Variants in ZNF644 observed in about 807,000 individuals in gnomAD.
ZNF644 encodes the protein zinc finger motif enhancer binding protein 2.
Under a neutral mutation model 108.0 loss-of-function variants are expected in ZNF644, and 20 were observed. That is an observed-to-expected ratio of 0.19 (90% CI 0.13 to 0.27). The LOEUF (loss-of-function observed/expected upper bound fraction) is 0.27, where lower values mean the gene tolerates loss of function less well. Among genes scored for constraint, ZNF644 ranks in the 10% least tolerant of loss-of-function variants. The probability of loss-of-function intolerance (pLI) is 1.00; values close to 1 mark genes in which losing one functional copy is unlikely to be tolerated. For missense variants in ZNF644, 1,338 were observed against 1,548.9 expected (o/e 0.86, Z 2.29); for synonymous variants, 542 against 539.1 (o/e 1.01, Z -0.08).
intron 2 of ZNF644, 45 bp from the exon 3 acceptor site, chr1:90,941,354 A>G: frequency 1.3e-6 from 2 of 1,536,686 alleles, no homozygotes; most frequent in South Asian, 2.4e-5. Flanking sequence ...GAAAGAAAAA[A>G]TACTATTAGA....
At chr1:90,984,773 A>C (rs1487525625) in intron 1 of ZNF644, among the ~76,000 whole-genome samples, 2 of 152,192 alleles carry the variant, frequency 1.3e-5, no homozygotes, top group Non-Finnish European at 2.9e-5. Context: ...CCTCAGGAGA[A>C]ACAAAACCTG....
intron 2 of ZNF644, among the ~76,000 whole-genome samples, chr1:90,945,345 C>T (rs1334079681): frequency 6.6e-6 from 1 of 151,924 alleles, no homozygotes. Flanking sequence ...AAGCTGCAAA[C>T]AGAACTTTAA....
chr1:90,989,314 T>C (rs1283164780), intron 1 of ZNF644, among the ~76,000 whole-genome samples: 2 of 152,104 alleles, frequency 1.3e-5, no homozygotes, highest in East Asian at 3.9e-4. Context: ...TCTGAGAGGC[T>C]GAGGTGGGAG....
intron 1 of ZNF644, chr1:91,021,771 C>T (rs1404556845): frequency 1.1e-5 from 4 of 360,876 alleles, no homozygotes; most frequent in Non-Finnish European, 2.0e-5. Flanking sequence ...AGCACCAACT[C>T]CGCCTCCTCG....
Position 90,937,804 on chromosome 1 carries a change from T to A in ZNF644, c.3369A>T (p.Ile1123=). Residue 1123 remains isoleucine (I), a synonymous_variant, in exon 4 of 6, where the codon ATA becomes ATT. Transcript: ENST00000337393. ...GGCCATTACGGTATGCTTCAAGAGG[T>A]ATAACATTTTGAGATATAAAGTCAT... ...SSDDFISQNV[I]PLEAYRNGLK... 3.1e-6 allele frequency: 5 copies of A among 1,613,892 alleles called. No individual in the cohort carries two copies. The highest frequency in any genetic ancestry group is 4.2e-6 in the Non-Finnish European group (5 of 1,179,896).
chr1:91,014,815 G>GT (rs1385930894), intron 1 of ZNF644, among the ~76,000 whole-genome samples: 1 of 152,144 alleles, frequency 6.6e-6, no homozygotes, highest in East Asian at 1.9e-4. Flanking sequence ...TACAAATTGT[G>GT]TAACAACTAG....
intron 1 of ZNF644, among the ~76,000 whole-genome samples, chr1:90,996,918 G>A (rs548240488): frequency 5.7e-4 from 86 of 152,174 alleles, no homozygotes; most frequent in Non-Finnish European, 9.7e-4. Flanking sequence ...GGCTCTACTC[G>A]CAAAGCTATC....
In ZNF644 at chr1:91,015,133, AC is replaced by A. The variant is rs577940240; in HGVS notation, c.-18+6856del. Among the ~76,000 whole-genome samples, 532 of 152,318 alleles carry A rather than the reference AC, an allele frequency of 3.5e-3. 1 individual carries two copies. Among genetic ancestry groups the A allele is most frequent in the African/African-American group, 0.012 (514 of 41,568 alleles). On this transcript the variant is annotated intron_variant, in intron 1 of 5. Coordinates refer to ENST00000337393, the MANE Select transcript of ZNF644 (RefSeq NM_201269.3). ...ATAAATGAAAAACTTACAATTTCATACTAGTACCCCTCCTCAAATGAACCTA... is the reference window on the plus strand; with the variant it reads ...ATAAATGAAAAACTTACAATTTCATATAGTACCCCTCCTCAAATGAACCTA...
At position 90,941,203 on chromosome 1, in the gene ZNF644, C is replaced by CT; in HGVS notation, c.150dup (p.Asp51ArgfsTer8). 6.2e-7 allele frequency: 1 copy of CT among 1,607,308 alleles called. No individual in the cohort carries two copies. The highest frequency in any genetic ancestry group is 8.5e-7 in the Non-Finnish European group (1 of 1,177,784). ...GGCTTATGAACTCCGCTCTCTTTGT[C>CT]TGAGATAAAATTGTTGTCATCTAGG... On this transcript the variant is annotated frameshift_variant, in exon 3 of 6. Transcript: ENST00000337393. LOFTEE classifies it high-confidence loss of function.
At chr1:91,010,718 C>T (rs1295024791) in intron 1 of ZNF644, among the ~76,000 whole-genome samples, 3 of 150,140 alleles carry the variant, frequency 2.0e-5, no homozygotes, top group Non-Finnish European at 4.5e-5. Flanking sequence ...CAAGCTATAT[C>T]TTAGATCATG....
chr1:90,923,844 T>G (rs560876101), intron 4 of ZNF644, among the ~76,000 whole-genome samples: 1 of 152,296 alleles, frequency 6.6e-6, no homozygotes, highest in South Asian at 2.1e-4. Context: ...CCACAAGGAC[T>G]GGTTGCTTGA....
At chr1:90,921,793 C>T (rs990876057) in intron 4 of ZNF644, among the ~76,000 whole-genome samples, 8 of 150,402 alleles carry the variant, frequency 5.3e-5, no homozygotes, top group Non-Finnish European at 1.0e-4. Context: ...TGGTCAAATA[C>T]AAATATGAAA....
rs971240208 is a variant in ZNF644 at position 90,940,493 on chromosome 1, T to C, written c.861A>G (p.Leu287=). Residue 287 remains leucine (L), a synonymous_variant, in exon 3 of 6, where the codon CTA becomes CTG. Transcript: ENST00000337393. ...CCATTTTTCGCTTTCTTTTTTTTTCTAGACCTATTTTAGAATGAGGTGGAG... is the reference window on the plus strand; with the variant it reads ...CCATTTTTCGCTTTCTTTTTTTTTCCAGACCTATTTTAGAATGAGGTGGAG... ...DKAPPHSKIG[L]EKKRKRKMDV... The C allele has an allele frequency of 6.2e-7, 1 of 1,613,850 alleles. No individual in the cohort carries two copies. Among genetic ancestry groups the C allele is most frequent in the Admixed American group, 1.7e-5 (1 of 59,978 alleles).
At chr1:91,018,337 C>T (rs970526582) in intron 1 of ZNF644, among the ~76,000 whole-genome samples, 4 of 152,180 alleles carry the variant, frequency 2.6e-5, no homozygotes, top group Non-Finnish European at 5.9e-5. Context: ...ACTTCTAGAA[C>T]TGCTTCAGTC....
chr1:91,009,420 A>T (rs1311777230), intron 1 of ZNF644, among the ~76,000 whole-genome samples: 1 of 152,148 alleles, frequency 6.6e-6, no homozygotes, highest in Non-Finnish European at 1.5e-5. Context: ...AATAAACCAT[A>T]AGGTACACTC....
intron 2 of ZNF644, among the ~76,000 whole-genome samples, chr1:90,967,979 T>C (rs1277200295): frequency 6.9e-6 from 1 of 145,004 alleles, no homozygotes; most frequent in South Asian, 2.2e-4. Flanking sequence ...GAGAATTGCT[T>C]GAATCTGGGA....
At chr1:91,016,519 T>C (rs925468674) in intron 1 of ZNF644, among the ~76,000 whole-genome samples, 4 of 152,142 alleles carry the variant, frequency 2.6e-5, no homozygotes, top group African/African-American at 4.8e-5. Flanking sequence ...TATCTAAACA[T>C]AGAACATAAA....
intron 1 of ZNF644, among the ~76,000 whole-genome samples, chr1:90,989,828 G>A (rs1296606144): frequency 1.3e-5 from 2 of 152,106 alleles, no homozygotes; most frequent in Non-Finnish European, 2.9e-5. Context: ...TATACACAAA[G>A]AATCCAAAGC....
At chr1:90,959,327 GATA>G (rs1654088788) in intron 2 of ZNF644, among the ~76,000 whole-genome samples, 2 of 152,136 alleles carry the variant, frequency 1.3e-5, no homozygotes, top group Admixed American at 1.3e-4. Context: ...AATAAGTATG[GATA>G]ATAAGTTTGG....
Sources: gnomAD v4.1 joint callset for allele counts (sites outside exome capture counted in the v4.1 genomes callset) on GRCh38, gnomAD v4.1.1 for gene constraint, MANE v1.5 for transcripts, NCBI Gene and HGNC (gene_info 2026-07-23, HGNC 2026-07-21) for gene names.